Variants in PARVB observed in about 807,000 individuals in gnomAD.
The protein encoded by PARVB is beta-parvin.
A neutral mutation model predicts 47.0 loss-of-function variants in PARVB; 46 were observed. That is an observed-to-expected ratio of 0.98 (90% CI 0.77 to 1.25). The LOEUF (loss-of-function observed/expected upper bound fraction) is 1.25, where lower values mean the gene tolerates loss of function less well. Ranked by LOEUF, PARVB falls within the 50% of genes most tolerant of loss-of-function variation. The pLI is 0.00. For synonymous variants in PARVB, 196 were observed against 196.3 expected, an observed-to-expected ratio of 1.00 and a Z score of 0.01; for missense variants, 473 against 471.6, an observed-to-expected ratio of 1.00 and a Z score of -0.03.
In PARVB at chr22:44,140,125, A is replaced by G; in HGVS notation, c.694A>G (p.Met232Val). ...CTCTCTCTGTGTTCTTGTTTGCAGG[A>G]TGATGATGGGCCGGTTCGGTAAGTA... is the stretch of plus-strand genomic sequence containing the variant. ...ISEELTTTTE[M>V]MMGRFERDAF... is the part of the protein sequence containing the mutation. The change falls in exon 8 of 13, where the codon ATG (methionine) becomes GTG (valine). Residue 232 changes from methionine to valine, a missense_variant and splice_region_variant. Coordinates refer to ENST00000338758, the MANE Select transcript of PARVB (RefSeq NM_013327.5). 6.3e-7 allele frequency: 1 copy of G among 1,590,208 alleles called. No homozygotes were observed. Among genetic ancestry groups the G allele is most frequent in the Non-Finnish European group, 8.5e-7 (1 of 1,169,956 alleles).
intron 8 of PARVB, chr22:44,146,178 CCGCACACA>C (rs138109777): frequency 0.14 from 19,955 of 147,592 alleles, 1,604 homozygotes; most frequent in East Asian, 0.47. Flanking sequence ...CACGCTCACA[CCGCACACA>C]CGCACACCCG....
At chr22:44,129,988 A>T (rs2053274895) in intron 4 of PARVB, among the ~76,000 whole-genome samples, 1 of 152,238 alleles carries the variant, frequency 6.6e-6, no homozygotes, top group African/African-American at 2.4e-5. Flanking sequence ...TTATCTTGAA[A>T]GGGATGCCAA....
intron 2 of PARVB, among the ~76,000 whole-genome samples, chr22:43,999,999 C>A (rs970258657): frequency 4.6e-5 from 7 of 151,816 alleles, no homozygotes; most frequent in African/African-American, 1.7e-4. Context: ...AGAGCGAGAC[C>A]CTGTCACAAA....
At chr22:44,039,980 A>G (rs1420950826) in intron 1 of PARVB, 1 of 369,906 alleles carries the variant, frequency 2.7e-6, no homozygotes, top group South Asian at 1.9e-5. Flanking sequence ...ACACCCCGCT[A>G]ATTTCACTTT....
intron 1 of PARVB, among the ~76,000 whole-genome samples, chr22:44,073,056 G>A (rs937650148): frequency 3.3e-5 from 5 of 152,162 alleles, no homozygotes; most frequent in East Asian, 3.8e-4. Flanking sequence ...CCAGTGCCCC[G>A]TGCCAGGCCT....
chr22:44,143,544 T>G (rs2053599989), intron 8 of PARVB: 1 of 152,302 alleles, frequency 6.6e-6, no homozygotes, highest in Non-Finnish European at 1.5e-5. Flanking sequence ...TGCTGGGCTT[T>G]GCCAGGAGTG....
At chr22:44,069,245 A>G in intron 1 of PARVB, 1 of 1,329,560 alleles carries the variant, frequency 7.5e-7, no homozygotes, top group Non-Finnish European at 1.1e-6. Context: ...TTATGGCAGA[A>G]TTTTGTTTTG....
intron 2 of PARVB, among the ~76,000 whole-genome samples, chr22:44,005,775 CA>C (rs1185147064): frequency 6.6e-6 from 1 of 152,208 alleles, no homozygotes; most frequent in Non-Finnish European, 1.5e-5. Context: ...TCTTCATTTA[CA>C]TCGGTTGTAA....
intron 1 of PARVB, among the ~76,000 whole-genome samples, chr22:44,029,517 C>A (rs2050786932): frequency 1.3e-5 from 2 of 152,116 alleles, no homozygotes; most frequent in African/African-American, 4.8e-5. Context: ...AGGCCAGACA[C>A]ATAATCCCAG....
At chr22:44,069,278 G>C in intron 1 of PARVB, 1 of 934,518 alleles carries the variant, frequency 1.1e-6, no homozygotes, top group South Asian at 1.4e-5. Context: ...CTGGGTGGCT[G>C]CTTGACTTTT....
At chr22:44,067,480 C>T (rs970480419) in intron 1 of PARVB, among the ~76,000 whole-genome samples, 5 of 152,254 alleles carry the variant, frequency 3.3e-5, no homozygotes, top group Admixed American at 3.3e-4. Flanking sequence ...TCAGTGGATA[C>T]ACACACGTCA....
intron 3 of PARVB, chr22:44,114,618 C>A (rs2052817212): frequency 1.5e-5 from 1 of 65,830 alleles, no homozygotes; most frequent in Admixed American, 1.6e-4. Context: ...TTACTAAGGC[C>A]CTGCACCAAC....
chr22:44,069,163 G>A, intron 1 of PARVB: 4 of 1,611,918 alleles, frequency 2.5e-6, no homozygotes, highest in Non-Finnish European at 3.4e-6. Context: ...CTCCTCGCCA[G>A]TGAGTTCTGT....
chr22:44,131,610 T>G lies in PARVB; in HGVS notation c.500T>G (p.Leu167Arg), dbSNP rs1279920298. 1 of 1,613,436 alleles carries G rather than the reference T, an allele frequency of 6.2e-7. No homozygotes were observed. Residue 167 changes from leucine to arginine, a missense_variant, in exon 5 of 13, where the codon CTC becomes CGC. Coordinates refer to ENST00000338758, the MANE Select transcript of PARVB (RefSeq NM_013327.5). ...HDLLRPRGWA[L>R]RWSVDSIHGK... ...CTGCTGCGGCCCCGAGGCTGGGCGC[T>G]CCGGTGGAGCGTGGACTGTGAGTTC...
chr22:44,151,370 A>T (rs1435574971), intron 9 of PARVB, 113 bp from the exon 10 acceptor site: 1 of 759,536 alleles, frequency 1.3e-6, no homozygotes, highest in Non-Finnish European at 2.4e-6. Flanking sequence ...AGCAAACAGG[A>T]GATGATGAAA....
In PARVB at chr22:44,122,578, G is replaced by C. The variant is rs1048200821; in HGVS notation, c.376+3438G>C. On this transcript the variant is annotated intron_variant, in intron 4 of 12. Coordinates refer to ENST00000338758, the MANE Select transcript of PARVB (RefSeq NM_013327.5). ...ACACAGAGACAGAGAGAGAGAGAGA[G>C]AGAGAGAGAGAGAGAGAGAGAGAGA... 4.2e-3 allele frequency among the ~76,000 whole-genome samples: 504 copies of C among 118,964 alleles called. 3 individuals are homozygous for C. The highest frequency in any genetic ancestry group is 6.5e-3 in the Non-Finnish European group (345 of 53,082). 78.0% of individuals were successfully genotyped at this position (118,964 alleles called of 152,430 possible).
rs998452969 is a variant in PARVB, at chr22:44,131,175, C to T, written c.377-312C>T. Among the ~76,000 whole-genome samples, 49 of 149,940 alleles carry T rather than the reference C, an allele frequency of 3.3e-4. 1 individual carries two copies. The highest frequency in any genetic ancestry group is 1.2e-3 in the African/African-American group (47 of 40,678). ...TCTCTTTCTGAGGCAGGGTCTCACT[C>T]AGGTTGCCCAGGCTTGGGTGCAATG... On this transcript the variant is annotated intron_variant, in intron 4 of 12. Transcript: ENST00000338758.
chr22:44,093,766 G>T (rs1419633278), intron 1 of PARVB, among the ~76,000 whole-genome samples, 162 bp from the exon 2 acceptor site: 1 of 152,212 alleles, frequency 6.6e-6, no homozygotes, highest in African/African-American at 2.4e-5. Context: ...TTGGTTCAGA[G>T]CATTTTTCCC....
intron 1 of PARVB, among the ~76,000 whole-genome samples, chr22:44,055,741 A>T (rs2051298422): frequency 1.3e-5 from 2 of 152,226 alleles, no homozygotes; most frequent in East Asian, 1.9e-4. Context: ...TACGAGACTG[A>T]GAAATCCCAG....
Sources: allele counts gnomAD v4.1 joint callset (sites outside exome capture counted in the v4.1 genomes callset), GRCh38; gene constraint gnomAD v4.1.1; transcripts MANE v1.5; gene names NCBI Gene and HGNC (gene_info 2026-07-23, HGNC 2026-07-21).